Variants in EHMT1 observed in about 807,000 individuals in gnomAD.
EHMT1 encodes the protein histone-lysine N-methyltransferase EHMT1.
EHMT1 carries 15 observed loss-of-function variants against 147.2 expected under a neutral mutation model. The ratio of observed to expected loss-of-function variants is 0.10; its 90% CI spans 0.07 to 0.16. The LOEUF (loss-of-function observed/expected upper bound fraction) is 0.16, where lower values mean the gene tolerates loss of function less well. Ranked by LOEUF, EHMT1 falls within the 10% of genes least tolerant of loss-of-function variation. The probability of loss-of-function intolerance (pLI) is 1.00; values close to 1 mark genes in which losing one functional copy is unlikely to be tolerated. For synonymous variants in EHMT1, 795 were observed against 709.6 expected (o/e 1.12, Z -1.91); for missense variants, 1,587 against 1,772.4 (o/e 0.90, Z 1.88).
intron 1 of EHMT1, among the ~76,000 whole-genome samples, chr9:137,671,528 T>TA (rs1564566629): frequency 6.8e-6 from 1 of 148,000 alleles, no homozygotes; most frequent in Admixed American, 6.8e-5. Flanking sequence ...TTCTTTTTTT[T>TA]TTTTTTTTTT....
chr9:137,813,363 G>A lies in EHMT1; in HGVS notation c.3036-23G>A, dbSNP rs369143767. 37 of 1,604,882 alleles carry A rather than the reference G, an allele frequency of 2.3e-5. No individual in the cohort carries two copies. Among genetic ancestry groups the A allele is most frequent in the Non-Finnish European group, 2.4e-5 (28 of 1,177,468 alleles). On this transcript the variant is annotated intron_variant, in intron 20 of 26. Coordinates refer to ENST00000460843, the MANE Select transcript of EHMT1 (RefSeq NM_024757.5). The surrounding 1 kb of genome is among the most constrained non-coding windows in gnomAD (Gnocchi z 4.9). ...GGGCAGAGCACGTCAGCCACCAGGT[G>A]ACACCTGTCCTTTCCATGGCAGGGA...
intron 13 of EHMT1, among the ~76,000 whole-genome samples, chr9:137,779,324 C>T (rs1442328844): frequency 6.6e-6 from 1 of 152,244 alleles, no homozygotes; most frequent in Non-Finnish European, 1.5e-5. Flanking sequence ...CCCCTGCATC[C>T]TGCGCTGGTT....
intron 1 of EHMT1, among the ~76,000 whole-genome samples, chr9:137,631,825 C>T (rs1240346781): frequency 1.3e-5 from 2 of 152,112 alleles, no homozygotes; most frequent in African/African-American, 4.8e-5. Context: ...CTGCAGTGAA[C>T]CGTGTTGGTG....
intron 5 of EHMT1, 77 bp from the exon 6 acceptor site, chr9:137,743,825 A>G: frequency 1.3e-6 from 2 of 1,511,754 alleles, no homozygotes; most frequent in African/African-American, 2.8e-5. Flanking sequence ...CAGTCACCCA[A>G]GACTCCTCAG....
intron 1 of EHMT1, among the ~76,000 whole-genome samples, chr9:137,671,524 T>G (rs796488778): frequency 1.4e-5 from 2 of 145,664 alleles, no homozygotes; most frequent in Non-Finnish European, 1.5e-5. Context: ...TTCTTTCTTT[T>G]TTTTTTTTTT....
Position 137,813,086 on chromosome 9 carries a change from C to T in EHMT1, c.2948C>T (p.Ser983Phe). The T allele has an allele frequency of 6.2e-7, 1 of 1,613,818 alleles. No homozygotes were observed. The highest frequency in any genetic ancestry group is 8.5e-7 in the Non-Finnish European group (1 of 1,180,040). The change falls in exon 20 of 27, where the codon TCT becomes TTT. Residue 983 changes from serine to phenylalanine, a missense_variant. This residue lies in a region of EHMT1 where 78 missense variants were observed against 68.9 expected (regional missense o/e 1.13). Transcript: ENST00000460843. This position sits in a 1 kb window ranked among gnomAD's most constrained non-coding sequence, Gnocchi z 4.9. ...ETPLQCASLN[S>F]QVWSALQMSK... is the part of the protein sequence containing the mutation. ...CCCCTGCAGTGTGCGAGCCTCAACTCTCAGGTGTGGAGCGCTCTGCAGATG... is the reference window on the plus strand; with the variant it reads ...CCCCTGCAGTGTGCGAGCCTCAACTTTCAGGTGTGGAGCGCTCTGCAGATG...
chr9:137,715,621 C>G (rs895317100), intron 2 of EHMT1: 1 of 985,298 alleles, frequency 1.0e-6, no homozygotes, highest in Non-Finnish European at 1.2e-6. Context: ...CCTGCCTCAG[C>G]CTGTCCTGAG....
At chr9:137,717,206 G>C in intron 3 of EHMT1, 24 bp downstream of exon 3, 4 of 1,609,514 alleles carry the variant, frequency 2.5e-6, no homozygotes, top group Admixed American at 1.7e-5. Flanking sequence ...TTCTCTTGCT[G>C]TTTCCTTTTT....
At position 137,800,601 on chromosome 9, in the gene EHMT1, A is replaced by G. The variant is rs139273442; in HGVS notation, c.2608-279A>G. ...GTGCGTCCCCAGTGAGTGGTGCCCA[A>G]CTGGGAGCGGGCAAGGCCGACAGCA... On this transcript the variant is annotated intron_variant, in intron 17 of 26. Coordinates refer to ENST00000460843, the MANE Select transcript of EHMT1 (RefSeq NM_024757.5). The G allele has an allele frequency of 2.4e-3, 1,215 of 505,016 alleles. 2 individuals are homozygous for G. Among genetic ancestry groups the G allele is most frequent in the Non-Finnish European group, 3.0e-3 (832 of 276,344 alleles). The allele number at this position is 505,016 out of a possible 1,614,324, so 31.3% of individuals were successfully genotyped here. A position where few individuals can be genotyped will look rare whatever the true frequency, so the allele number is the denominator to read the frequency against.
chr9:137,785,854 C>T (rs938619571), intron 15 of EHMT1: 7 of 152,242 alleles, frequency 4.6e-5, no homozygotes, highest in East Asian at 3.8e-4. Context: ...GAACAGCAGC[C>T]GTTTTGGTCT....
At chr9:137,827,123 T>A (rs1190912578) in intron 25 of EHMT1, among the ~76,000 whole-genome samples, 3 of 152,052 alleles carry the variant, frequency 2.0e-5, no homozygotes, top group African/African-American at 4.8e-5. Context: ...TGCCCTCACC[T>A]CCTCAGGGAC....
chr9:137,768,351 T>TC (rs1022392801), intron 10 of EHMT1, among the ~76,000 whole-genome samples: 3 of 143,788 alleles, frequency 2.1e-5, no homozygotes, highest in Admixed American at 6.9e-5. Flanking sequence ...CTGTGTGTTT[T>TC]TTTTTTTTTT....
chr9:137,627,753 T>A (rs1029748418), intron 1 of EHMT1, among the ~76,000 whole-genome samples: 17 of 151,122 alleles, frequency 1.1e-4, no homozygotes, highest in Admixed American at 2.0e-4. Flanking sequence ...CAGGCTGGAG[T>A]GCAGTGGTGT....
At chr9:137,803,097 G>A in intron 18 of EHMT1, 1 of 1,229,706 alleles carries the variant, frequency 8.1e-7, no homozygotes, top group Non-Finnish European at 1.0e-6. Context: ...TGCCTGGGCA[G>A]TTTGCAGCCT....
chr9:137,756,809 A>G (rs941868945), intron 8 of EHMT1, among the ~76,000 whole-genome samples: 1 of 152,166 alleles, frequency 6.6e-6, no homozygotes, highest in African/African-American at 2.4e-5. Flanking sequence ...TTTTATTTAA[A>G]TCTTCTTTTC....
At chr9:137,695,871 A>G (rs1450560084) in intron 1 of EHMT1, among the ~76,000 whole-genome samples, 3 of 152,222 alleles carry the variant, frequency 2.0e-5, no homozygotes, top group Non-Finnish European at 2.9e-5. Context: ...CTGGAGGCAC[A>G]TGAGGGACTG....
At position 137,754,151 on chromosome 9, in the gene EHMT1, C is replaced by T. The variant is rs1249797305; in HGVS notation, c.1249-20C>T. 1.9e-6 allele frequency: 3 copies of T among 1,613,864 alleles called. No individual in the cohort carries two copies. The African/African-American group carries it at 4.0e-5, about 22-fold the overall frequency. On this transcript the variant is annotated intron_variant, in intron 7 of 26. Transcript: ENST00000460843. ...TTCCTGTGCTTAGTGGTTTATATGCCTGCCCGTTTGGTTCTCCAGAGTTCG... is the reference window on the plus strand; with the variant it reads ...TTCCTGTGCTTAGTGGTTTATATGCTTGCCCGTTTGGTTCTCCAGAGTTCG...
chr9:137,822,887 T>C (rs374493508), intron 25 of EHMT1, among the ~76,000 whole-genome samples: 289 of 144,498 alleles, frequency 2.0e-3, no homozygotes, highest in South Asian at 6.4e-3. Context: ...AGAGCAAAAC[T>C]TCATCTCGAA....
intron 8 of EHMT1, 85 bp from the exon 9 acceptor site, chr9:137,757,795 G>A: frequency 3.1e-6 from 5 of 1,602,824 alleles, no homozygotes; most frequent in East Asian, 2.2e-5. Context: ...CATTTCCTGG[G>A]GCCCCAGCCT....
Sources: allele counts gnomAD v4.1 joint callset (sites outside exome capture counted in the v4.1 genomes callset), GRCh38; gene constraint gnomAD v4.1.1; regional missense constraint gnomAD v4.1.1; non-coding constraint Gnocchi (gnomAD v3.1); transcripts MANE v1.5; gene names NCBI Gene and HGNC (gene_info 2026-07-23, HGNC 2026-07-21).